The following LRCOL1 variants were observed in gnomAD, a reference collection of about 807,000 sequenced individuals.
LRCOL1 encodes leucine-rich colipase-like protein 1.
Under a neutral mutation model 21.6 loss-of-function variants are expected in LRCOL1, and 21 were observed. The observed-to-expected ratio is 0.97, with a 90% CI of 0.69 to 1.40. The LOEUF (loss-of-function observed/expected upper bound fraction) is 1.40, where lower values mean the gene tolerates loss of function less well. LRCOL1 is among the 40% of genes most tolerant of loss of function. The pLI is 0.00. For synonymous variants in LRCOL1, 98 were observed against 90.1 expected, an observed-to-expected ratio of 1.09 and a Z score of -0.49; for missense variants, 198 against 202.3, an observed-to-expected ratio of 0.98 and a Z score of 0.13.
chr12:132,603,203 G>C lies in LRCOL1; in HGVS notation c.*199C>G. On this transcript the variant is annotated 3_prime_UTR_variant, in exon 6 of 6. Transcript: ENST00000376608. The stretch of plus-strand genomic sequence containing the variant: ...TTTAACAATCAGGCTACACCCCAGT[G>C]CCTGGGATTTGTTCTCACAGACACT... 1.4e-6 allele frequency: 1 copy of C among 723,618 alleles called. No homozygotes were observed. The highest frequency in any genetic ancestry group is 2.4e-4 in the Middle Eastern group (1 of 4,102). The allele number at this position is 723,618 out of a possible 1,614,324, so 44.8% of individuals were successfully genotyped here.
chr12:132,604,308 G>T lies in LRCOL1; in HGVS notation c.423C>A (p.Tyr141Ter). The T allele has an allele frequency of 6.5e-7, 1 of 1,535,798 alleles. No homozygotes were observed. Among genetic ancestry groups the T allele is most frequent in the Non-Finnish European group, 8.7e-7 (1 of 1,146,808 alleles). ...TCCGGGGAATGCAGCGGAAGGGGCT[G>T]TACTCCCTCAGCTGGATGCAGCACT... ...HSQCCIQLRE[Y>*]SPFRCIPRTG... The change falls in exon 5 of 6, where the codon TAC becomes TAA. Residue 141 changes from tyrosine (Y) to a stop codon, truncating the protein, a stop_gained. Coordinates refer to ENST00000376608, the MANE Select transcript of LRCOL1 (RefSeq NM_001195520.2). LOFTEE classifies it high-confidence loss of function.
In LRCOL1 at chr12:132,603,870, G is replaced by C. The variant is rs1239741065; in HGVS notation, c.477+384C>G. ...TCAGGAAAAGCCACAGCAGAGGTCGGGGGAGGGAGGGGAGAAGCCAGGACC... is the reference window on the plus strand; with the variant it reads ...TCAGGAAAAGCCACAGCAGAGGTCGCGGGAGGGAGGGGAGAAGCCAGGACC... On this transcript the variant is annotated intron_variant, in intron 5 of 5. Coordinates refer to ENST00000376608, the MANE Select transcript of LRCOL1 (RefSeq NM_001195520.2). 4.2e-6 allele frequency: 5 copies of C among 1,177,058 alleles called. No individual in the cohort carries two copies. The East Asian group carries it at 2.3e-4, about 55-fold the overall frequency. 72.9% of individuals were successfully genotyped at this position (1,177,058 alleles called of 1,614,324 possible). A position where few individuals can be genotyped will look rare whatever the true frequency, so the allele number is the denominator to read the frequency against.
At chr12:132,605,840 T>C (rs2041300525) in intron 2 of LRCOL1, 1 of 404,272 alleles carries the variant, frequency 2.5e-6, no homozygotes, top group African/African-American at 2.1e-5. Flanking sequence ...GCAGCTCCCA[T>C]GTGGCCCCGC....
At chr12:132,609,215 G>T (rs1366843279) in intron 1 of LRCOL1, among the ~76,000 whole-genome samples, 1 of 152,218 alleles carries the variant, frequency 6.6e-6, no homozygotes, top group Admixed American at 6.5e-5. Context: ...GATCCCACGT[G>T]TGAGGTCTCC....
Position 132,606,252 on chromosome 12 carries a change from C to T in LRCOL1, c.-1G>A, listed in dbSNP as rs558286322. ...GCAGCGTCCACCCCGGGCCGGCCAT[C>T]GGGTGTGTGGACCTGCAGAGACCCA... is the stretch of plus-strand genomic sequence containing the variant. On this transcript the variant is annotated 5_prime_UTR_variant, in exon 2 of 6. Transcript: ENST00000376608. This position sits in a 1 kb window ranked among gnomAD's most constrained non-coding sequence, Gnocchi z 4.6. 7.1e-5 allele frequency: 109 copies of T among 1,536,310 alleles called. No individual in the cohort carries two copies. The African/African-American group carries it at 1.1e-3, about 16-fold the overall frequency.
intron 3 of LRCOL1, 26 bp from the exon 4 acceptor site, chr12:132,604,610 C>T: frequency 2.0e-6 from 3 of 1,527,400 alleles, no homozygotes; most frequent in Non-Finnish European, 2.6e-6. Context: ...CGCGTCATCC[C>T]TGCACCCACC....
rs936380463 is a variant in LRCOL1, at chr12:132,604,366, T to C, written c.365A>G (p.Asp122Gly). The C allele has an allele frequency of 2.6e-6, 4 of 1,535,498 alleles. No individual in the cohort carries two copies. Among genetic ancestry groups the C allele is most frequent in the Admixed American group, 3.9e-5 (2 of 50,964 alleles). Residue 122 changes from aspartate (D) to glycine (G), a missense_variant, in exon 5 of 6, where the codon GAC becomes GGC. Coordinates refer to ENST00000376608, the MANE Select transcript of LRCOL1 (RefSeq NM_001195520.2). ...QCVPWRKPNGDFCSSHQECHS... is the reference protein window; with the variant it reads ...QCVPWRKPNGGFCSSHQECHS... Reference sequence around the variant, plus strand: ...ACACTCCTGATGGCTGCTGCAGAAGTCGCCGTTGGGCTGGGGAGGCAGCCA... The same window carrying C: ...ACACTCCTGATGGCTGCTGCAGAAGCCGCCGTTGGGCTGGGGAGGCAGCCA...
intron 1 of LRCOL1, among the ~76,000 whole-genome samples, chr12:132,608,483 G>A (rs1327556674): frequency 6.6e-6 from 1 of 152,260 alleles, no homozygotes; most frequent in Non-Finnish European, 1.5e-5. Context: ...AATGAGTCAT[G>A]TCGACACTTT....
intron 2 of LRCOL1, chr12:132,605,883 GC>G: frequency 2.1e-6 from 1 of 486,208 alleles, no homozygotes; most frequent in South Asian, 3.4e-5. Flanking sequence ...GGCCGTGGTG[GC>G]CCCAGGGCTG....
Position 132,604,255 on chromosome 12 carries a change from AGGGGCAGGCACT to A in LRCOL1, c.464_475del (p.Gln155_Pro158del). The A allele has an allele frequency of 6.5e-7, 1 of 1,533,186 alleles. No homozygotes were observed. The highest frequency in any genetic ancestry group is 8.7e-7 in the Non-Finnish European group (1 of 1,145,580). The allele number at this position is 1,533,186 out of a possible 1,614,324, so 95.0% of individuals were successfully genotyped here. Reference sequence around the variant, plus strand: ...GCTGAGCCCCCGCCCGGGACTTACCAGGGGCAGGCACTGGGCCAGGATCCCGGTCCGGGGAAT... The same window carrying A: ...GCTGAGCCCCCGCCCGGGACTTACCAGGGCCAGGATCCCGGTCCGGGGAAT... On this transcript the variant is annotated inframe_deletion and splice_region_variant, in exon 5 of 6. Coordinates refer to ENST00000376608, the MANE Select transcript of LRCOL1 (RefSeq NM_001195520.2).
chr12:132,604,572 T>C lies in LRCOL1; in HGVS notation c.244A>G (p.Arg82Gly). The C allele has an allele frequency of 5.9e-6, 9 of 1,535,252 alleles. No homozygotes were observed. Among genetic ancestry groups the C allele is most frequent in the Admixed American group, 2.0e-5 (1 of 50,970 alleles). The change falls in exon 4 of 6, where the codon AGA becomes GGA. Residue 82 changes from arginine (R) to glycine (G), a missense_variant. By Grantham distance (125) the Arg-to-Gly change is moderately radical (BLOSUM62 -2). Transcript: ENST00000376608. ...CLPWRKPNGY[R>G]CSHDSECQSS... Reference sequence around the variant, plus strand: ...TGGCACTCTGAGTCGTGCGAGCATCTGTACCCATTGGGCTATGGGACAGGA... The same window carrying C: ...TGGCACTCTGAGTCGTGCGAGCATCCGTACCCATTGGGCTATGGGACAGGA...
chr12:132,603,332 C>G lies in LRCOL1; in HGVS notation c.*70G>C. On this transcript the variant is annotated 3_prime_UTR_variant, in exon 6 of 6. Coordinates refer to ENST00000376608, the MANE Select transcript of LRCOL1 (RefSeq NM_001195520.2). Reference sequence around the variant, plus strand: ...GGAAGCTTCCGCTGGAACCAGCCCCCGCGCAACGCGGTCCTGCGTGAACAT... The same window carrying G: ...GGAAGCTTCCGCTGGAACCAGCCCCGGCGCAACGCGGTCCTGCGTGAACAT... 6 of 1,531,800 alleles carry G rather than the reference C, an allele frequency of 3.9e-6. No individual in the cohort carries two copies. In the South Asian group the frequency reaches 4.8e-5, roughly 12 times the overall value. The allele number at this position is 1,531,800 out of a possible 1,614,324, so 94.9% of individuals were successfully genotyped here.
chr12:132,603,267 A>G lies in LRCOL1; in HGVS notation c.*135T>C. On this transcript the variant is annotated 3_prime_UTR_variant, in exon 6 of 6. Transcript: ENST00000376608. ...CTGGTCACAGCCTTTCAGTTCCCAC[A>G]GATTTTCAGAGCCCCAGAAACAGCA... 7.3e-7 allele frequency: 1 copy of G among 1,361,598 alleles called. No homozygotes were observed. 84.3% of individuals were successfully genotyped at this position (1,361,598 alleles called of 1,614,324 possible).
At chr12:132,605,190 C>G in intron 2 of LRCOL1, 2 of 957,788 alleles carry the variant, frequency 2.1e-6, no homozygotes, top group South Asian at 9.6e-5. Context: ...CAGGATTGCA[C>G]AGCTGGCAGA....
chr12:132,606,044 G>T lies in LRCOL1; in HGVS notation c.105+103C>A. ...TTTGAGACCCTCCTGACGGAAAGTGGCAGCCCTCGCGGGTGGGGACTGCAA... is the reference window on the plus strand; with the variant it reads ...TTTGAGACCCTCCTGACGGAAAGTGTCAGCCCTCGCGGGTGGGGACTGCAA... On this transcript the variant is annotated intron_variant, in intron 2 of 5. Transcript: ENST00000376608. This position sits in a 1 kb window ranked among gnomAD's most constrained non-coding sequence, Gnocchi z 4.6. The T allele has an allele frequency of 9.4e-7, 1 of 1,067,948 alleles. No homozygotes were observed. Among genetic ancestry groups the T allele is most frequent in the Non-Finnish European group, 1.3e-6 (1 of 741,894 alleles). 66.2% of individuals were successfully genotyped at this position (1,067,948 alleles called of 1,614,324 possible).
At chr12:132,605,080 A>G in intron 2 of LRCOL1, 1 of 1,322,748 alleles carries the variant, frequency 7.6e-7, no homozygotes, top group Non-Finnish European at 9.7e-7. Flanking sequence ...CACTGAGGGC[A>G]AGGATGCAGC....
chr12:132,604,165 C>A (rs868066833), intron 5 of LRCOL1, 89 bp downstream of exon 5: 1 of 1,458,662 alleles, frequency 6.9e-7, no homozygotes. Context: ...CTCACAGCCG[C>A]GGTCCCGGTC....
In LRCOL1 at chr12:132,604,260, C is replaced by T; in HGVS notation, c.471G>A (p.Leu157=). ...IPRTGILAQC[L]PL ...GCCCCCGCCCGGGACTTACCAGGGG[C>T]AGGCACTGGGCCAGGATCCCGGTCC... The change falls in exon 5 of 6, where the codon CTG becomes CTA. Residue 157 remains leucine, a synonymous_variant. Coordinates refer to ENST00000376608, the MANE Select transcript of LRCOL1 (RefSeq NM_001195520.2). 6.5e-7 allele frequency: 1 copy of T among 1,533,862 alleles called. No homozygotes were observed. Among genetic ancestry groups the T allele is most frequent in the Middle Eastern group, 1.7e-4 (1 of 5,880 alleles).
chr12:132,603,437 A>C, intron 5 of LRCOL1, 33 bp from the exon 6 acceptor site: 1 of 1,536,160 alleles, frequency 6.5e-7, no homozygotes. Flanking sequence ...GGAAACGTGC[A>C]GGGGACGGGC....
Sources: allele counts gnomAD v4.1 joint callset (sites outside exome capture counted in the v4.1 genomes callset), GRCh38; gene constraint gnomAD v4.1.1; non-coding constraint Gnocchi (gnomAD v3.1); transcripts MANE v1.5; gene names NCBI Gene and HGNC (gene_info 2026-07-23, HGNC 2026-07-21).